Variants in CTNNAL1 observed in about 807,000 individuals in gnomAD.
The protein encoded by CTNNAL1 is catenin alpha like 1.
Under a neutral mutation model 93.6 loss-of-function variants are expected in CTNNAL1, and 69 were observed. The ratio of observed to expected loss-of-function variants is 0.74; its 90% confidence interval spans 0.61 to 0.90. The LOEUF (loss-of-function observed/expected upper bound fraction) is 0.90. Among genes scored for constraint, CTNNAL1 ranks in the 40% least tolerant of loss-of-function variants. CTNNAL1 has a pLI of 0.00. For missense variants in CTNNAL1, 836 were observed against 862.0 expected, an observed-to-expected ratio of 0.97 and a Z score of 0.38; for synonymous variants, 286 against 305.4, an observed-to-expected ratio of 0.94 and a Z score of 0.66.
chr9:108,979,042 G>A (rs1831344177), intron 7 of CTNNAL1, among the ~76,000 whole-genome samples: 1 of 152,118 alleles, frequency 6.6e-6, no homozygotes, highest in African/African-American at 2.4e-5. Context: ...AGTGACAGAG[G>A]CATATAATTG....
At chr9:109,008,714 G>A (rs1452924277) in intron 1 of CTNNAL1, among the ~76,000 whole-genome samples, 2 of 151,758 alleles carry the variant, frequency 1.3e-5, no homozygotes, top group Non-Finnish European at 2.9e-5. Flanking sequence ...CCTCTTCTGT[G>A]AAATTATTTT....
At position 108,943,003 on chromosome 9, in the gene CTNNAL1, G is replaced by C. The variant is rs1830288167; in HGVS notation, c.2097C>G (p.Leu699=). The C allele has an allele frequency of 6.2e-7, 1 of 1,612,796 alleles. No individual in the cohort carries two copies. Among genetic ancestry groups the C allele is most frequent in the African/African-American group, 1.3e-5 (1 of 74,880 alleles). Residue 699 remains leucine, a synonymous_variant, in exon 18 of 19, where the codon CTC becomes CTG. Coordinates refer to ENST00000325551, the MANE Select transcript of CTNNAL1 (RefSeq NM_003798.4). ...CITKTRSMMA[L]LVQLLSLCYK... ...AACAAAGTGAAAGAAGTTGGACTAA[G>C]AGAGCCATCATGGATCTTGTCTTCG... is the stretch of plus-strand genomic sequence containing the variant.
In CTNNAL1 at chr9:108,970,291, T is replaced by C. The variant is rs1831073672; in HGVS notation, c.1440+111A>G. On this transcript the variant is annotated intron_variant, in intron 10 of 18. Transcript: ENST00000325551. Reference sequence around the variant, plus strand: ...AAATTCCATTATCTTTCTTTCTCTATGTATATTTGGACTCTAGTTATGAAA... The same window carrying C: ...AAATTCCATTATCTTTCTTTCTCTACGTATATTTGGACTCTAGTTATGAAA... The C allele has an allele frequency of 4.6e-6, 4 of 863,358 alleles. No homozygotes were observed. In the East Asian group the frequency reaches 1.3e-4, roughly 27 times the overall value. The allele number at this position is 863,358 out of a possible 1,614,324, so 53.5% of individuals were successfully genotyped here.
intron 5 of CTNNAL1, among the ~76,000 whole-genome samples, chr9:108,983,758 G>C (rs1831512206): frequency 6.6e-6 from 1 of 152,196 alleles, no homozygotes; most frequent in Admixed American, 6.5e-5. Context: ...GTTCCACGAA[G>C]TCTGTTTTTG....
rs997214237 is a variant in CTNNAL1, at chr9:108,943,328, T to C, written c.2056-284A>G. On this transcript the variant is annotated intron_variant, in intron 17 of 18. Transcript: ENST00000325551. ...TAGGGGCTTCTCAAAACACTCCAAA[T>C]AGTGGAATTAAATCCCATCCTTTGC... Among the ~76,000 whole-genome samples, 4 of 152,156 alleles carry C rather than the reference T, an allele frequency of 2.6e-5. No homozygotes were observed. In the East Asian group the frequency reaches 7.7e-4, roughly 29 times the overall value.
chr9:108,990,209 G>A (rs1278355677), intron 4 of CTNNAL1, among the ~76,000 whole-genome samples: 1 of 152,166 alleles, frequency 6.6e-6, no homozygotes, highest in African/African-American at 2.4e-5. Flanking sequence ...ATGTAAAACA[G>A]TAGTTAACAA....
In CTNNAL1 at chr9:108,943,853, C is replaced by A. The variant is rs548302043; in HGVS notation, c.1942-37G>T. The A allele has an allele frequency of 3.7e-6, 6 of 1,607,186 alleles. No homozygotes were observed. The East Asian group carries it at 6.7e-5, about 18-fold the overall frequency. Reference sequence around the variant, plus strand: ...TTTAACAAGTTATAACAGCCCGCAACAAAACTCCATCTTTAATACCTTAAA... The same window carrying A: ...TTTAACAAGTTATAACAGCCCGCAAAAAAACTCCATCTTTAATACCTTAAA... On this transcript the variant is annotated intron_variant, in intron 16 of 18. Transcript: ENST00000325551.
chr9:108,989,716 C>A (rs1246753740), intron 4 of CTNNAL1, among the ~76,000 whole-genome samples: 2 of 152,162 alleles, frequency 1.3e-5, no homozygotes, highest in African/African-American at 4.8e-5. Context: ...TCTCCCAAAA[C>A]TGAGGAGCTT....
At chr9:108,948,820 A>G (rs1176493203) in intron 14 of CTNNAL1, among the ~76,000 whole-genome samples, 3 of 152,226 alleles carry the variant, frequency 2.0e-5, no homozygotes, top group Admixed American at 2.0e-4. Flanking sequence ...AATTACAATA[A>G]GAATAACCAA....
At chr9:108,995,233 G>A (rs367815740) in intron 2 of CTNNAL1, among the ~76,000 whole-genome samples, 3 of 152,230 alleles carry the variant, frequency 2.0e-5, no homozygotes, top group Admixed American at 6.5e-5. Context: ...ATACAGAAAG[G>A]GCAGGAGGAA....
chr9:108,999,073 G>T lies in CTNNAL1; in HGVS notation c.325C>A (p.Gln109Lys). Residue 109 changes from glutamine (Q) to lysine (K), a missense_variant, in exon 2 of 19, where the codon CAA (glutamine) becomes AAA (lysine). Coordinates refer to ENST00000325551, the MANE Select transcript of CTNNAL1 (RefSeq NM_003798.4). ...EINIACIEAK[Q>K]AGETIAALTD... is the part of the protein sequence containing the mutation. ...AAAATCAATATCCACCTACCTGCTT[G>T]TTTAGCTTCAATACAAGCAATATTT... The T allele has an allele frequency of 2.5e-6, 4 of 1,604,996 alleles. No individual in the cohort carries two copies. The highest frequency in any genetic ancestry group is 3.4e-6 in the Non-Finnish European group (4 of 1,176,200).
intron 1 of CTNNAL1, among the ~76,000 whole-genome samples, chr9:109,010,674 A>T (rs1055654973): frequency 6.6e-6 from 1 of 152,244 alleles, no homozygotes; most frequent in East Asian, 1.9e-4. Context: ...AATGCAAAAA[A>T]AACTATACAC....
At chr9:108,990,683 G>A (rs367870240) in intron 4 of CTNNAL1, 43 bp downstream of exon 4, 1 of 1,584,388 alleles carries the variant, frequency 6.3e-7, no homozygotes, top group Admixed American at 1.8e-5. Flanking sequence ...AAACTAAAAA[G>A]TATGTATTTA....
chr9:109,001,819 G>A (rs1170140125), intron 1 of CTNNAL1, among the ~76,000 whole-genome samples: 1 of 152,186 alleles, frequency 6.6e-6, no homozygotes, highest in Non-Finnish European at 1.5e-5. Flanking sequence ...GAACCACCAG[G>A]TAAGCCACTC....
At chr9:109,000,383 A>C (rs529163205) in intron 1 of CTNNAL1, among the ~76,000 whole-genome samples, 2 of 152,208 alleles carry the variant, frequency 1.3e-5, no homozygotes, top group Admixed American at 1.3e-4. Context: ...ATCATATCCC[A>C]AATAAAATTC....
At chr9:108,979,012 C>A (rs1831342959) in intron 7 of CTNNAL1, among the ~76,000 whole-genome samples, 1 of 152,046 alleles carries the variant, frequency 6.6e-6, no homozygotes, top group Non-Finnish European at 1.5e-5. Context: ...AGAGTAGGGA[C>A]AACAGTGTGA....
At position 108,959,801 on chromosome 9, in the gene CTNNAL1, TTAGTC is replaced by T. The variant is rs1830781657; in HGVS notation, c.1592-3979_1592-3975del. ...ATGTTTAATACTCCCTAAATCCTGT[TTAGTC>T]AACACTACAATTGTGCCATCTTCTG... On this transcript the variant is annotated intron_variant, in intron 11 of 18. Coordinates refer to ENST00000325551, the MANE Select transcript of CTNNAL1 (RefSeq NM_003798.4). Among the ~76,000 whole-genome samples, 4 of 152,296 alleles carry T rather than the reference TTAGTC, an allele frequency of 2.6e-5. No individual in the cohort carries two copies. In the South Asian group the frequency reaches 8.3e-4, roughly 32 times the overall value.
chr9:108,963,383 A>G (rs1437770887), intron 11 of CTNNAL1: 1 of 152,256 alleles, frequency 6.6e-6, no homozygotes, highest in Non-Finnish European at 1.5e-5. Flanking sequence ...ATGATGATGA[A>G]CTCACTGGCC....
At chr9:108,944,132 A>G (rs1830329284) in intron 15 of CTNNAL1, 114 bp from the exon 16 acceptor site, 1 of 1,040,866 alleles carries the variant, frequency 9.6e-7, no homozygotes, top group Non-Finnish European at 1.4e-6. Flanking sequence ...CTAGATATAA[A>G]AAGTCTGTCA....
Sources: gnomAD v4.1 joint callset for allele counts (sites outside exome capture counted in the v4.1 genomes callset) on GRCh38, gnomAD v4.1.1 for gene constraint, MANE v1.5 for transcripts, NCBI Gene and HGNC (gene_info 2026-07-23, HGNC 2026-07-21) for gene names.